ASH1L: variants seen among roughly 807,000 people sequenced by gnomAD.
The protein encoded by ASH1L is ASH1 like histone lysine methyltransferase.
Under a neutral mutation model 269.0 loss-of-function variants are expected in ASH1L, and 23 were observed. That is an observed-to-expected ratio of 0.09 (90% CI 0.06 to 0.12). ASH1L has a LOEUF of 0.12. ASH1L is among the 10% of genes least tolerant of loss of function. The probability of loss-of-function intolerance (pLI) is 1.00; values close to 1 mark genes in which losing one functional copy is unlikely to be tolerated. For synonymous variants in ASH1L, 1,187 were observed against 1,253.5 expected, an observed-to-expected ratio of 0.95 and a Z score of 1.12; for missense variants, 2,912 against 3,567.8, an observed-to-expected ratio of 0.82 and a Z score of 4.68.
rs1558145937 is a variant in ASH1L at position 155,478,185 on chromosome 1, G to A, written c.4685C>T (p.Ser1562Leu). 2 of 1,614,142 alleles carry A rather than the reference G, an allele frequency of 1.2e-6. No individual in the cohort carries two copies. Among genetic ancestry groups the A allele is most frequent in the Admixed American group, 1.7e-5 (1 of 60,016 alleles). Residue 1562 changes from serine (S) to leucine (L), a missense_variant, in exon 3 of 28, where the codon TCA (serine) becomes TTA (leucine). Ser to Leu is a moderately radical substitution (Grantham distance 145, BLOSUM62 -2). Transcript: ENST00000392403. The surrounding 1 kb of genome is among the most constrained non-coding windows in gnomAD (Gnocchi z 4.6). ...REEQWVHREP[S>L]ESSPLALGLQ... The stretch of plus-strand genomic sequence containing the variant: ...TCCCAAGGCCAATGGACTAGATTCT[G>A]AAGGCTCTCGGTGGACCCACTGTTC...
At chr1:155,456,433 T>C (rs1663867844) in intron 4 of ASH1L, among the ~76,000 whole-genome samples, 1 of 152,236 alleles carries the variant, frequency 6.6e-6, no homozygotes, top group African/African-American at 2.4e-5. Flanking sequence ...TAATGTTGAC[T>C]AATCTATTCC....
intron 2 of ASH1L, among the ~76,000 whole-genome samples, chr1:155,514,673 G>A (rs1165831564): frequency 2.6e-5 from 4 of 152,032 alleles, no homozygotes; most frequent in Non-Finnish European, 2.9e-5. Flanking sequence ...CATCAACAAC[G>A]CATTTGGCCC....
chr1:155,414,396 G>A lies in ASH1L; in HGVS notation c.6008+1348C>T, dbSNP rs886405440. Among the ~76,000 whole-genome samples, 8 of 151,618 alleles carry A rather than the reference G, an allele frequency of 5.3e-5. No individual in the cohort carries two copies. The East Asian group carries it at 1.2e-3, about 22-fold the overall frequency. On this transcript the variant is annotated intron_variant, in intron 6 of 27. Coordinates refer to ENST00000392403, the MANE Select transcript of ASH1L (RefSeq NM_018489.3). ...TCGATCTCGGCTCACTGCAACCTCCGCCTCCCAGGTTCAAGCGATTCTCCT... is the reference window on the plus strand; with the variant it reads ...TCGATCTCGGCTCACTGCAACCTCCACCTCCCAGGTTCAAGCGATTCTCCT...
At chr1:155,521,049 G>C in intron 2 of ASH1L, 51 bp downstream of exon 2, 1 of 1,491,872 alleles carries the variant, frequency 6.7e-7, no homozygotes, top group Non-Finnish European at 9.1e-7. Context: ...AAAATTAATA[G>C]GGAAATGAAA....
chr1:155,386,552 A>AT (rs1657445247), intron 7 of ASH1L, among the ~76,000 whole-genome samples: 1 of 52,168 alleles, frequency 1.9e-5, no homozygotes, highest in South Asian at 1.2e-3. Context: ...TGCCCAGCTA[A>AT]TTTTTTCTAT....
At chr1:155,491,804 G>A (rs1020708640) in intron 2 of ASH1L, among the ~76,000 whole-genome samples, 1 of 151,810 alleles carries the variant, frequency 6.6e-6, no homozygotes, top group Non-Finnish European at 1.5e-5. Context: ...CAAGTAGCTA[G>A]CTGGTTTACA....
Position 155,480,418 on chromosome 1 carries a change from C to T in ASH1L, c.2452G>A (p.Asp818Asn), listed in dbSNP as rs1336952621. 1 of 1,614,058 alleles carries T rather than the reference C, an allele frequency of 6.2e-7. No homozygotes were observed. The highest frequency in any genetic ancestry group is 8.5e-7 in the Non-Finnish European group (1 of 1,179,966). Residue 818 changes from aspartate (D) to asparagine (N), a missense_variant, in exon 3 of 28, where the codon GAC becomes AAC. Around this residue, in one of 13 missense-constraint regions of ASH1L, gnomAD observed 715 missense variants for 721.0 expected, o/e 0.99. Transcript: ENST00000392403. ...KLSSSMCVSS[D>N]LLSDIYKPKR... Reference sequence around the variant, plus strand: ...GGCTTATAAATATCAGACAAAAGGTCACTAGAGACACACATACTGGAGGAT... The same window carrying T: ...GGCTTATAAATATCAGACAAAAGGTTACTAGAGACACACATACTGGAGGAT...
chr1:155,493,609 T>G (rs963829249), intron 2 of ASH1L, among the ~76,000 whole-genome samples: 2 of 152,236 alleles, frequency 1.3e-5, no homozygotes, highest in African/African-American at 2.4e-5. Flanking sequence ...GGTTCACGCC[T>G]GTAATCCCAA....
chr1:155,539,826 C>G (rs1470226607), intron 1 of ASH1L, among the ~76,000 whole-genome samples: 1 of 151,862 alleles, frequency 6.6e-6, no homozygotes. Context: ...GAGGCCAAGG[C>G]AGGACGATCG....
At chr1:155,543,764 T>A (rs1670607691) in intron 1 of ASH1L, among the ~76,000 whole-genome samples, 1 of 151,664 alleles carries the variant, frequency 6.6e-6, no homozygotes, top group Non-Finnish European at 1.5e-5. Flanking sequence ...AGACCCCATC[T>A]CTACAAAAAA....
At chr1:155,459,416 G>A (rs1664125900) in intron 4 of ASH1L, among the ~76,000 whole-genome samples, 2 of 152,038 alleles carry the variant, frequency 1.3e-5, no homozygotes. Context: ...GGGTGGTCTC[G>A]AACTCCTGAT....
At position 155,427,380 on chromosome 1, in the gene ASH1L, T is replaced by C. The variant is rs372976602; in HGVS notation, c.5828+10947A>G. ...TGGAGTGCAGTGGCCAGATCCCGGC[T>C]CACTGCAACCTCCGCCTCCCGGGTC... On this transcript the variant is annotated intron_variant, in intron 5 of 27. Coordinates refer to ENST00000392403, the MANE Select transcript of ASH1L (RefSeq NM_018489.3). Among the ~76,000 whole-genome samples the C allele has an allele frequency of 2.0e-5, 3 of 151,862 alleles. No homozygotes were observed. The East Asian group carries it at 5.8e-4, about 29-fold the overall frequency.
rs558094794 is a variant in ASH1L at position 155,558,783 on chromosome 1, C to G, written c.-100+3370G>C. 6.6e-5 allele frequency among the ~76,000 whole-genome samples: 10 copies of G among 151,978 alleles called. No homozygotes were observed. The South Asian group carries it at 2.1e-3, about 32-fold the overall frequency. On this transcript the variant is annotated intron_variant, in intron 1 of 27. Transcript: ENST00000392403. ...CTGGGCACAAGTGATCCTCCTGGCT[C>G]AGCCTCCCAAAGCACTGGGATCATA...
intron 2 of ASH1L, among the ~76,000 whole-genome samples, chr1:155,485,030 G>A (rs1027469896): frequency 4.0e-5 from 6 of 151,036 alleles, no homozygotes; most frequent in Admixed American, 3.3e-4. Context: ...AGGCCAAGAC[G>A]GGTGGATCAC....
In ASH1L at chr1:155,562,418, C is replaced by T; in HGVS notation, c.-365G>A. The T allele has an allele frequency of 6.8e-7, 1 of 1,479,876 alleles. No homozygotes were observed. The highest frequency in any genetic ancestry group is 9.2e-7 in the Non-Finnish European group (1 of 1,091,450). 91.7% of individuals were successfully genotyped at this position (1,479,876 alleles called of 1,614,324 possible). A position where few individuals can be genotyped will look rare whatever the true frequency, so the allele number is the denominator to read the frequency against. ...CCTCCGCAAAGCGAACCCAAAATGG[C>T]GGCGGGAGCGGCGGCGGCGGCGGCG... is the stretch of plus-strand genomic sequence containing the variant. On this transcript the variant is annotated 5_prime_UTR_variant, in exon 1 of 28. Coordinates refer to ENST00000392403, the MANE Select transcript of ASH1L (RefSeq NM_018489.3).
intron 15 of ASH1L, among the ~76,000 whole-genome samples, chr1:155,355,371 T>TA (rs1654289305): frequency 6.6e-6 from 1 of 152,248 alleles, no homozygotes; most frequent in Admixed American, 6.5e-5. Flanking sequence ...TCCCTAAACT[T>TA]AAATGAATTA....
Position 155,411,003 on chromosome 1 carries a change from C to T in ASH1L, c.6008+4741G>A, listed in dbSNP as rs553963350. Among the ~76,000 whole-genome samples the T allele has an allele frequency of 1.4e-4, 21 of 152,292 alleles. 1 individual carries two copies. In the South Asian group the frequency reaches 2.9e-3, roughly 21 times the overall value. ...GAATGTATTTCACCAAGAGTGAACCCTAAAGTAACTACGGACTTTGGGTAA... is the reference window on the plus strand; with the variant it reads ...GAATGTATTTCACCAAGAGTGAACCTTAAAGTAACTACGGACTTTGGGTAA... On this transcript the variant is annotated intron_variant, in intron 6 of 27. Coordinates refer to ENST00000392403, the MANE Select transcript of ASH1L (RefSeq NM_018489.3).
intron 2 of ASH1L, among the ~76,000 whole-genome samples, chr1:155,505,747 AT>A (rs1667772699): frequency 6.6e-6 from 1 of 152,196 alleles, no homozygotes; most frequent in Non-Finnish European, 1.5e-5. Flanking sequence ...TCAATTTAAA[AT>A]ATATACATTT....
intron 6 of ASH1L, among the ~76,000 whole-genome samples, chr1:155,403,126 A>G (rs750668094): frequency 6.6e-5 from 10 of 151,904 alleles, no homozygotes; most frequent in Non-Finnish European, 1.2e-4. Flanking sequence ...CAGAGGTTAC[A>G]GTGAGCCAAG....
Sources: allele counts gnomAD v4.1 joint callset (sites outside exome capture counted in the v4.1 genomes callset), GRCh38; gene constraint gnomAD v4.1.1; regional missense constraint gnomAD v4.1.1; non-coding constraint Gnocchi (gnomAD v3.1); transcripts MANE v1.5; gene names NCBI Gene and HGNC (gene_info 2026-07-23, HGNC 2026-07-21).